The following PPP2R2C variants were observed in gnomAD, a reference collection of about 807,000 sequenced individuals.
PPP2R2C encodes the protein protein phosphatase 2 regulatory subunit Bgamma.
PPP2R2C carries 10 observed loss-of-function variants against 45.3 expected under a neutral mutation model. The ratio of observed to expected loss-of-function variants is 0.22; its 90% CI spans 0.14 to 0.37. The LOEUF (loss-of-function observed/expected upper bound fraction) is 0.37, where lower values mean the gene tolerates loss of function less well. Ranked by LOEUF, PPP2R2C falls within the 10% of genes least tolerant of loss-of-function variation. The pLI is 1.00. For synonymous variants in PPP2R2C, 257 were observed against 245.4 expected (o/e 1.05, Z -0.44); for missense variants, 308 against 619.7 (o/e 0.50, Z 5.34).
At chr4:6,376,026 C>A in intron 3 of PPP2R2C, 95 bp from the exon 4 acceptor site, 1 of 1,051,470 alleles carries the variant, frequency 9.5e-7, no homozygotes, top group South Asian at 1.5e-5. Context: ...GAGGCACCTC[C>A]TGGGGAAGGA....
In PPP2R2C at chr4:6,378,690, C is replaced by T. The variant is rs1715543594; in HGVS notation, c.169-118G>A. The T allele has an allele frequency of 9.2e-7, 1 of 1,087,748 alleles. No individual in the cohort carries two copies. The highest frequency in any genetic ancestry group is 1.3e-6 in the Non-Finnish European group (1 of 753,570). The allele number at this position is 1,087,748 out of a possible 1,614,324, so 67.4% of individuals were successfully genotyped here. On this transcript the variant is annotated intron_variant, in intron 2 of 8. Transcript: ENST00000382599. This position sits in a 1 kb window ranked among gnomAD's most constrained non-coding sequence, Gnocchi z 5.2. Reference sequence around the variant, plus strand: ...CAAGTGCCGAGCCGTGCCAGGGATCCAATTCGAGGGTCAAATGAAACTCTC... The same window carrying T: ...CAAGTGCCGAGCCGTGCCAGGGATCTAATTCGAGGGTCAAATGAAACTCTC...
chr4:6,439,307 T>C (rs1182841205), intron 1 of PPP2R2C, among the ~76,000 whole-genome samples: 1 of 152,238 alleles, frequency 6.6e-6, no homozygotes, highest in Non-Finnish European at 1.5e-5. Context: ...CTGCACACTC[T>C]TGTAGAAATG....
At chr4:6,348,786 G>C in intron 5 of PPP2R2C, 1 of 809,254 alleles carries the variant, frequency 1.2e-6, no homozygotes, top group Non-Finnish European at 1.5e-6. Flanking sequence ...TGCAGAGAAA[G>C]ATCTGGTGAT....
intron 2 of PPP2R2C, among the ~76,000 whole-genome samples, chr4:6,479,252 G>A (rs1577213231): frequency 6.6e-6 from 1 of 152,312 alleles, no homozygotes; most frequent in South Asian, 2.1e-4. Flanking sequence ...TAACCTAGCT[G>A]CTTCTCTGCC....
intron 1 of PPP2R2C, among the ~76,000 whole-genome samples, chr4:6,448,842 C>A (rs1011053974): frequency 2.0e-5 from 3 of 152,222 alleles, no homozygotes; most frequent in Non-Finnish European, 4.4e-5. Context: ...AATGAGCCAC[C>A]TGCACGAAGG....
chr4:6,465,881 A>G (rs1721566386), intron 1 of PPP2R2C, among the ~76,000 whole-genome samples: 1 of 152,112 alleles, frequency 6.6e-6, no homozygotes, highest in Non-Finnish European at 1.5e-5. Flanking sequence ...AACACCCTCT[A>G]CCCTTGGTTC....
At position 6,405,678 on chromosome 4, in the gene PPP2R2C, G is replaced by A. The variant is rs566013606; in HGVS notation, c.71-24584C>T. Among the ~76,000 whole-genome samples, 3 of 152,220 alleles carry A rather than the reference G, an allele frequency of 2.0e-5. No homozygotes were observed. The South Asian group carries it at 6.2e-4, about 32-fold the overall frequency. Reference sequence around the variant, plus strand: ...CTCCCAGGCCACAGGGGAGGGTCAGGGTCTGGGAAGCAGCCCCTCTTGAAT... The same window carrying A: ...CTCCCAGGCCACAGGGGAGGGTCAGAGTCTGGGAAGCAGCCCCTCTTGAAT... On this transcript the variant is annotated intron_variant, in intron 1 of 8. Transcript: ENST00000382599.
At chr4:6,463,214 GCT>G (rs1287221596) in intron 1 of PPP2R2C, among the ~76,000 whole-genome samples, 2 of 152,168 alleles carry the variant, frequency 1.3e-5, no homozygotes, top group Admixed American at 6.5e-5. Flanking sequence ...TTGGGAGCTC[GCT>G]CTCTCTCTGC....
chr4:6,385,149 G>A (rs1156775972), intron 1 of PPP2R2C, among the ~76,000 whole-genome samples: 1 of 152,178 alleles, frequency 6.6e-6, no homozygotes, highest in African/African-American at 2.4e-5. Context: ...TCTGCAATGT[G>A]GCGATGGATC....
At chr4:6,353,345 GCCC>G (rs1164229848) in intron 5 of PPP2R2C, among the ~76,000 whole-genome samples, 1 of 76,532 alleles carries the variant, frequency 1.3e-5, no homozygotes, top group African/African-American at 5.7e-5. Flanking sequence ...AACACCGACA[GCCC>G]CCCAACACTG....
At chr4:6,506,124 A>G (rs775356760) in intron 2 of PPP2R2C, among the ~76,000 whole-genome samples, 8 of 152,202 alleles carry the variant, frequency 5.3e-5, no homozygotes, top group Non-Finnish European at 1.2e-4. Context: ...CTTCTAAAAT[A>G]ATGTGTTGGC....
chr4:6,426,608 T>A (rs968622414), intron 1 of PPP2R2C, among the ~76,000 whole-genome samples: 1 of 151,388 alleles, frequency 6.6e-6, no homozygotes, highest in African/African-American at 2.4e-5. Flanking sequence ...AGCTACAATA[T>A]GCCCACCTTA....
At chr4:6,400,315 C>A (rs1717330328) in intron 1 of PPP2R2C, among the ~76,000 whole-genome samples, 1 of 151,960 alleles carries the variant, frequency 6.6e-6, no homozygotes, top group South Asian at 2.1e-4. Context: ...ACACGCCACT[C>A]TTCTCACTTT....
At chr4:6,486,922 TTCTC>T (rs1354375921) in intron 2 of PPP2R2C, among the ~76,000 whole-genome samples, 1 of 152,094 alleles carries the variant, frequency 6.6e-6, no homozygotes, top group African/African-American at 2.4e-5. Flanking sequence ...GTTCCCTTCT[TTCTC>T]CTTTTCTGTC....
chr4:6,557,485 A>T (rs1479510756), intron 1 of PPP2R2C, among the ~76,000 whole-genome samples: 1 of 152,168 alleles, frequency 6.6e-6, no homozygotes, highest in East Asian at 1.9e-4. Context: ...GGAGGCAAGG[A>T]AGGTCTCTGG....
chr4:6,534,044 ACAC>A (rs1724496845), intron 2 of PPP2R2C, among the ~76,000 whole-genome samples: 1 of 151,654 alleles, frequency 6.6e-6, no homozygotes, highest in African/African-American at 2.4e-5. Context: ...CAACAAGCAC[ACAC>A]CAACACACAT....
Position 6,447,293 on chromosome 4 carries a change from C to T in PPP2R2C, c.70+24867G>A, listed in dbSNP as rs181958506. On this transcript the variant is annotated intron_variant, in intron 1 of 8. Transcript: ENST00000382599. ...TCCCTCGCACCCTTCCGTGGGGACA[C>T]GCTGCCACCTCAGCCAACTCCCATT... Among the ~76,000 whole-genome samples, 97 of 152,260 alleles carry T rather than the reference C, an allele frequency of 6.4e-4. 1 individual carries two copies. Among genetic ancestry groups the T allele is most frequent in the African/African-American group, 1.8e-3 (75 of 41,550 alleles).
chr4:6,546,937 G>C (rs981010929), intron 1 of PPP2R2C, among the ~76,000 whole-genome samples: 5 of 152,230 alleles, frequency 3.3e-5, no homozygotes, highest in Non-Finnish European at 5.9e-5. Flanking sequence ...GGAGGAAAGA[G>C]AGACGGGAAG....
rs1732357061 is a variant in PPP2R2C, at chr4:6,330,904, T to A, written c.961-1551A>T. ...CGTGTCCTCCTGGTGACCCTTGCCTTCCCCTTGGGCCCCTGGGCTGCAGCC... is the reference window on the plus strand; with the variant it reads ...CGTGTCCTCCTGGTGACCCTTGCCTACCCCTTGGGCCCCTGGGCTGCAGCC... On this transcript the variant is annotated intron_variant, in intron 7 of 8. Coordinates refer to ENST00000382599, the MANE Select transcript of PPP2R2C (RefSeq NM_020416.4). The surrounding 1 kb of genome is among the most constrained non-coding windows in gnomAD (Gnocchi z 7.0). Among the ~76,000 whole-genome samples the A allele has an allele frequency of 6.6e-6, 1 of 151,766 alleles. No homozygotes were observed. Among genetic ancestry groups the A allele is most frequent in the African/African-American group, 2.4e-5 (1 of 41,278 alleles).
Sources: allele counts gnomAD v4.1 joint callset (sites outside exome capture counted in the v4.1 genomes callset), GRCh38; gene constraint gnomAD v4.1.1; non-coding constraint Gnocchi (gnomAD v3.1); transcripts MANE v1.5; gene names NCBI Gene and HGNC (gene_info 2026-07-23, HGNC 2026-07-21).